NKAIN3: variants seen among roughly 807,000 people sequenced by gnomAD.
NKAIN3 encodes sodium/potassium-transporting ATPase subunit beta-1-interacting protein 3.
Under a neutral mutation model 30.2 loss-of-function variants are expected in NKAIN3, and 25 were observed. The ratio of observed to expected loss-of-function variants is 0.83; its 90% CI spans 0.60 to 1.16. NKAIN3 has a LOEUF of 1.16. Ranked by LOEUF, NKAIN3 falls within the 50% of genes most tolerant of loss-of-function variation. The probability of loss-of-function intolerance (pLI) is 0.00; values close to 1 mark genes in which losing one functional copy is unlikely to be tolerated. For synonymous variants in NKAIN3, 91 were observed against 89.6 expected (o/e 1.02, Z -0.09); for missense variants, 225 against 254.1 (o/e 0.89, Z 0.78).
intron 1 of NKAIN3, among the ~76,000 whole-genome samples, chr8:62,417,390 G>A (rs1467003328): frequency 6.6e-6 from 1 of 152,144 alleles, no homozygotes; most frequent in Non-Finnish European, 1.5e-5. Flanking sequence ...GACACAAGTT[G>A]CTTCCAAATC....
At chr8:62,353,921 A>G (rs892639411) in intron 1 of NKAIN3, among the ~76,000 whole-genome samples, 1 of 152,200 alleles carries the variant, frequency 6.6e-6, no homozygotes, top group African/African-American at 2.4e-5. Flanking sequence ...AGAAATTTCA[A>G]AACTAAAGCT....
At chr8:62,925,157 C>G (rs373440753) in intron 5 of NKAIN3, among the ~76,000 whole-genome samples, 16 of 152,280 alleles carry the variant, frequency 1.1e-4, no homozygotes, top group South Asian at 2.1e-4. Flanking sequence ...ACTCAACTTA[C>G]TTTTTAATTA....
chr8:62,625,960 A>T (rs1235747811), intron 3 of NKAIN3, among the ~76,000 whole-genome samples: 1 of 151,870 alleles, frequency 6.6e-6, no homozygotes, highest in Admixed American at 6.6e-5. Flanking sequence ...AAAAAAAATC[A>T]TATAAGTAAG....
At chr8:62,959,454 G>C (rs1437553711) in intron 6 of NKAIN3, among the ~76,000 whole-genome samples, 1 of 151,746 alleles carries the variant, frequency 6.6e-6, no homozygotes, top group East Asian at 1.9e-4. Context: ...GTGTGTGTGT[G>C]TGTGTGTGTG....
chr8:62,985,781 AC>A (rs1824188600), downstream of NKAIN3, among the ~76,000 whole-genome samples: 1 of 152,018 alleles, frequency 6.6e-6, no homozygotes. Context: ...GAGCCTGTTA[AC>A]TTTTATGGGA....
chr8:62,865,774 G>T (rs537933126), intron 4 of NKAIN3, among the ~76,000 whole-genome samples: 1 of 152,294 alleles, frequency 6.6e-6, no homozygotes, highest in East Asian at 1.9e-4. Flanking sequence ...CATCATTCCT[G>T]TATTATAGTG....
chr8:62,355,153 T>A (rs191341578), intron 1 of NKAIN3, among the ~76,000 whole-genome samples: 106 of 152,324 alleles, frequency 7.0e-4, no homozygotes, highest in South Asian at 1.9e-3. Context: ...GATGAGTCAC[T>A]TGTAGAAGAC....
chr8:62,814,038 C>A (rs939823633), intron 4 of NKAIN3, among the ~76,000 whole-genome samples: 2 of 151,990 alleles, frequency 1.3e-5, no homozygotes, highest in Admixed American at 6.6e-5. Flanking sequence ...TTACATGTGA[C>A]TTGATGTTTT....
intron 1 of NKAIN3, among the ~76,000 whole-genome samples, chr8:62,352,578 G>A (rs773234926): frequency 6.6e-6 from 1 of 152,140 alleles, no homozygotes; most frequent in Non-Finnish European, 1.5e-5. Flanking sequence ...GCTGAGCATC[G>A]TCTTCTAAAA....
At chr8:62,789,841 G>T (rs570072529) in intron 4 of NKAIN3, among the ~76,000 whole-genome samples, 1 of 152,180 alleles carries the variant, frequency 6.6e-6, no homozygotes, top group Admixed American at 6.6e-5. Flanking sequence ...ATCAAAAAAA[G>T]TCCAAGGCCA....
chr8:62,812,095 A>AT (rs1818505419), intron 4 of NKAIN3, among the ~76,000 whole-genome samples: 1 of 151,904 alleles, frequency 6.6e-6, no homozygotes, highest in Admixed American at 6.6e-5. Context: ...TGAAAGAACT[A>AT]TTTTTCTACA....
intron 4 of NKAIN3, among the ~76,000 whole-genome samples, chr8:62,875,064 A>G (rs1820753335): frequency 6.6e-6 from 1 of 152,152 alleles, no homozygotes; most frequent in Non-Finnish European, 1.5e-5. Flanking sequence ...ATATTTAGAA[A>G]ACCCCATCGT....
chr8:62,497,272 A>G (rs371581647), intron 1 of NKAIN3, among the ~76,000 whole-genome samples: 44 of 152,228 alleles, frequency 2.9e-4, no homozygotes, highest in African/African-American at 9.6e-4. Flanking sequence ...AATGGAAATT[A>G]TAGAAAATGA....
chr8:62,577,531 G>A (rs1376997483), intron 1 of NKAIN3, among the ~76,000 whole-genome samples: 1 of 121,072 alleles, frequency 8.3e-6, no homozygotes, highest in East Asian at 2.2e-4. Flanking sequence ...GCTCTTCAGG[G>A]TTTCCTTTTT....
intron 1 of NKAIN3, among the ~76,000 whole-genome samples, chr8:62,452,714 C>G (rs1185050971): frequency 6.6e-6 from 1 of 152,092 alleles, no homozygotes. Context: ...CTTATCATTA[C>G]TCTTGATTTC....
rs1298105520 is a variant in NKAIN3 at position 62,977,400 on chromosome 8, T to C, written c.*11993T>C. On this transcript the variant is annotated 3_prime_UTR_variant, in exon 7 of 7. Transcript: ENST00000623646. ...AGAGGTTCTGTTCATTCCTTTTCCA[T>C]TTTTTTCTTCTAATCTTGTCTTCAT... is the stretch of plus-strand genomic sequence containing the variant. Among the ~76,000 whole-genome samples, 1 of 151,946 alleles carries C rather than the reference T, an allele frequency of 6.6e-6. No homozygotes were observed. Among genetic ancestry groups the C allele is most frequent in the Non-Finnish European group, 1.5e-5 (1 of 68,008 alleles).
chr8:62,355,763 G>T (rs932263305), intron 1 of NKAIN3, among the ~76,000 whole-genome samples: 1 of 152,092 alleles, frequency 6.6e-6, no homozygotes, highest in African/African-American at 2.4e-5. Flanking sequence ...ATGCATTTGC[G>T]ACATTTAGAG....
chr8:62,728,653 G>T (rs2130536584), intron 3 of NKAIN3, among the ~76,000 whole-genome samples: 1 of 148,074 alleles, frequency 6.8e-6, no homozygotes, highest in South Asian at 2.2e-4. Context: ...CGACAAGAAC[G>T]AAACTTCGTC....
At chr8:62,670,712 G>T (rs1813272785) in intron 3 of NKAIN3, among the ~76,000 whole-genome samples, 1 of 152,102 alleles carries the variant, frequency 6.6e-6, no homozygotes, top group African/African-American at 2.4e-5. Context: ...TCCTGAGTAA[G>T]CAGGTGACCA....
Sources: gnomAD v4.1 joint callset for allele counts (sites outside exome capture counted in the v4.1 genomes callset) on GRCh38, gnomAD v4.1.1 for gene constraint, MANE v1.5 for transcripts, NCBI Gene and HGNC (gene_info 2026-07-23, HGNC 2026-07-21) for gene names.